Variants in RNF145 observed in about 807,000 individuals in gnomAD.
The protein encoded by RNF145 is ring finger protein 145.
RNF145 carries 12 observed loss-of-function variants against 57.3 expected under a neutral mutation model. The ratio of observed to expected loss-of-function variants is 0.21; its 90% CI spans 0.13 to 0.34. RNF145 has a LOEUF of 0.34. Among genes scored for constraint, RNF145 ranks in the 10% least tolerant of loss-of-function variants. The pLI, the probability that RNF145 is intolerant of heterozygous loss-of-function variation, is 1.00. For missense variants in RNF145, 429 were observed against 799.0 expected, an observed-to-expected ratio of 0.54 and a Z score of 5.58; for synonymous variants, 262 against 288.3, an observed-to-expected ratio of 0.91 and a Z score of 0.92.
At chr5:159,176,963 C>A in intron 4 of RNF145, 96 bp from the exon 5 acceptor site, 1 of 666,372 alleles carries the variant, frequency 1.5e-6, no homozygotes, top group Non-Finnish European at 2.6e-6. Flanking sequence ...AATAACACAA[C>A]TTTTGAAGAA....
At chr5:159,173,092 C>T (rs2113125056) in intron 6 of RNF145, among the ~76,000 whole-genome samples, 2 of 152,178 alleles carry the variant, frequency 1.3e-5, no homozygotes, top group Middle Eastern at 3.4e-3. Context: ...AAAGACAAAA[C>T]AAAACAAAAA....
chr5:159,177,220 G>A (rs1204247691), intron 4 of RNF145, among the ~76,000 whole-genome samples: 1 of 151,986 alleles, frequency 6.6e-6, no homozygotes, highest in African/African-American at 2.4e-5. Context: ...TTTTCCAAAG[G>A]TACGCAATAT....
intron 3 of RNF145, among the ~76,000 whole-genome samples, chr5:159,192,069 A>T (rs1262334972): frequency 6.6e-6 from 1 of 151,864 alleles, no homozygotes; most frequent in Admixed American, 6.6e-5. Context: ...AAAAAACTGC[A>T]ATTGGAGTAA....
At chr5:159,209,913 C>T, upstream of RNF145, 3 of 1,535,530 alleles carry the variant, frequency 2.0e-6, no homozygotes, top group Non-Finnish European at 2.6e-6. Context: ...TTCGCAGTAG[C>T]AATGATGCGA....
At chr5:159,163,492 A>G (rs1784296837) in intron 8 of RNF145, among the ~76,000 whole-genome samples, 1 of 152,146 alleles carries the variant, frequency 6.6e-6, no homozygotes, top group Non-Finnish European at 1.5e-5. Flanking sequence ...TGTGATGAGA[A>G]TCTCTGCTAC....
chr5:159,193,997 T>C (rs1368700325), intron 3 of RNF145, among the ~76,000 whole-genome samples: 2 of 152,222 alleles, frequency 1.3e-5, no homozygotes, highest in Admixed American at 6.5e-5. Flanking sequence ...TATTTTAACA[T>C]TCTGTTGCAA....
chr5:159,183,005 C>G (rs940459993), intron 3 of RNF145, among the ~76,000 whole-genome samples: 1 of 152,086 alleles, frequency 6.6e-6, no homozygotes, highest in Admixed American at 6.6e-5. Flanking sequence ...TCCTTTAGCA[C>G]TGCATAGCCA....
intron 9 of RNF145, 27 bp downstream of exon 9, chr5:159,162,905 T>C: frequency 5.8e-6 from 9 of 1,561,244 alleles, no homozygotes; most frequent in East Asian, 2.2e-5. Context: ...TTGGTTATTA[T>C]ATAGAGTTAA....
At chr5:159,199,832 C>A (rs1041134817) in intron 2 of RNF145, among the ~76,000 whole-genome samples, 2 of 152,180 alleles carry the variant, frequency 1.3e-5, no homozygotes, top group Non-Finnish European at 2.9e-5. Context: ...ATATCCTACA[C>A]TCCAAAAAAC....
intron 6 of RNF145, among the ~76,000 whole-genome samples, chr5:159,170,464 CTG>C (rs1221684787): frequency 6.6e-6 from 1 of 152,092 alleles, no homozygotes; most frequent in African/African-American, 2.4e-5. Context: ...ATAAGGATAA[CTG>C]GAAGACATTA....
chr5:159,198,285 T>C (rs1785531100), intron 2 of RNF145, among the ~76,000 whole-genome samples: 1 of 151,236 alleles, frequency 6.6e-6, no homozygotes, highest in South Asian at 2.1e-4. Flanking sequence ...ATAAAAGAAA[T>C]AATGACCTAC....
At chr5:159,203,680 A>G in intron 1 of RNF145, 24 bp from the exon 2 acceptor site, 1 of 1,489,452 alleles carries the variant, frequency 6.7e-7, no homozygotes, top group South Asian at 1.2e-5. Context: ...GACACAATAT[A>G]TAAAAATAAA....
intron 1 of RNF145, chr5:159,208,066 C>A: frequency 6.7e-7 from 1 of 1,492,306 alleles, no homozygotes. Flanking sequence ...GACGCAAGGC[C>A]ATCCACTAAT....
chr5:159,209,504 T>TCGGCGGCGACGGCGG lies in RNF145; in HGVS notation c.-314_-313insCCGCCGTCGCCGCCG, dbSNP rs757214239. 1 of 944,594 alleles carries TCGGCGGCGACGGCGG rather than the reference T, an allele frequency of 1.1e-6. No homozygotes were observed. The highest frequency in any genetic ancestry group is 1.8e-5 in the African/African-American group (1 of 55,764). 58.5% of individuals were successfully genotyped at this position (944,594 alleles called of 1,614,324 possible). A position where few individuals can be genotyped will look rare whatever the true frequency, so the allele number is the denominator to read the frequency against. On this transcript the variant is annotated 5_prime_UTR_variant, in exon 1 of 11. Coordinates refer to ENST00000424310, the MANE Select transcript of RNF145 (RefSeq NM_001199383.2). ...AGCCCCTTAGCAGCCGGCGCCGGCG[T>TCGGCGGCGACGGCGG]CGGCGGCCATGGCCTCCTGCGTTTG...
In RNF145 at chr5:159,203,651, G is replaced by A. The variant is rs755417622; in HGVS notation, c.-34C>T. ...TTTTTTTCTTTTTTTTTTTCTTGGA[G>A]AAGACCTAAAATTCAGAAGACACAA... is the stretch of plus-strand genomic sequence containing the variant. On this transcript the variant is annotated 5_prime_UTR_variant, in exon 2 of 11. Coordinates refer to ENST00000424310, the MANE Select transcript of RNF145 (RefSeq NM_001199383.2). 7.0e-6 allele frequency: 11 copies of A among 1,576,756 alleles called. No individual in the cohort carries two copies. In the African/African-American group the frequency reaches 1.3e-4, roughly 18 times the overall value.
chr5:159,163,230 G>A, intron 8 of RNF145, 151 bp from the exon 9 acceptor site: 2 of 685,274 alleles, frequency 2.9e-6, no homozygotes, highest in South Asian at 4.7e-5. Context: ...CTAGAGTTCA[G>A]ACCAAGTCAC....
At chr5:159,169,496 A>T (rs1784481297) in intron 7 of RNF145, among the ~76,000 whole-genome samples, 183 bp downstream of exon 7, 1 of 152,236 alleles carries the variant, frequency 6.6e-6, no homozygotes, top group South Asian at 2.1e-4. Context: ...ATACAATACA[A>T]ATACATCTTT....
chr5:159,181,433 T>A (rs1432504077), intron 4 of RNF145, among the ~76,000 whole-genome samples: 1 of 152,174 alleles, frequency 6.6e-6, no homozygotes, highest in African/African-American at 2.4e-5. Flanking sequence ...CTTCCTTTTT[T>A]GCATTTTGGC....
chr5:159,166,591 C>G (rs1168530844), intron 8 of RNF145, among the ~76,000 whole-genome samples: 1 of 152,156 alleles, frequency 6.6e-6, no homozygotes, highest in East Asian at 1.9e-4. Flanking sequence ...TAGAGTAGCA[C>G]CTGTCTCCAC....
Sources: gnomAD v4.1 joint callset for allele counts (sites outside exome capture counted in the v4.1 genomes callset) on GRCh38, gnomAD v4.1.1 for gene constraint, MANE v1.5 for transcripts, NCBI Gene and HGNC (gene_info 2026-07-23, HGNC 2026-07-21) for gene names.